Variants in IGF2BP3 observed in about 807,000 individuals in gnomAD.
IGF2BP3 encodes insulin like growth factor 2 mRNA binding protein 3, also known as insulin-like growth factor 2 mRNA-binding protein 3.
In IGF2BP3, 9 loss-of-function variants were observed where a neutral mutation model predicts 73.8. That is an observed-to-expected ratio of 0.12 (90% confidence interval 0.07 to 0.21). The LOEUF (loss-of-function observed/expected upper bound fraction) is 0.21. Ranked by LOEUF, IGF2BP3 falls within the 10% of genes least tolerant of loss-of-function variation. The probability of loss-of-function intolerance (pLI) is 1.00; values close to 1 mark genes in which losing one functional copy is unlikely to be tolerated. For missense variants in IGF2BP3, 542 were observed against 714.0 expected (o/e 0.76, Z 2.75); for synonymous variants, 258 against 256.7 (o/e 1.01, Z -0.05).
At chr7:23,448,017 T>C (rs1017411795) in intron 2 of IGF2BP3, among the ~76,000 whole-genome samples, 2 of 152,042 alleles carry the variant, frequency 1.3e-5, no homozygotes, top group Non-Finnish European at 2.9e-5. Context: ...TATCCAGTGA[T>C]AAAAGTCAGC....
intron 12 of IGF2BP3, among the ~76,000 whole-genome samples, chr7:23,316,728 G>C (rs1426469494): frequency 7.0e-6 from 1 of 143,524 alleles, no homozygotes; most frequent in Non-Finnish European, 1.5e-5. Context: ...AGGTTAAATA[G>C]TTGTCTTCTT....
chr7:23,313,770 T>C, intron 12 of IGF2BP3, 117 bp from the exon 13 acceptor site: 1 of 901,024 alleles, frequency 1.1e-6, no homozygotes, highest in East Asian at 2.6e-5. Context: ...TACATCTACA[T>C]TTCATAGATT....
intron 10 of IGF2BP3, among the ~76,000 whole-genome samples, chr7:23,341,748 C>T (rs1236482537): frequency 6.7e-6 from 1 of 149,438 alleles, no homozygotes; most frequent in Non-Finnish European, 1.5e-5. Flanking sequence ...TATCCGAGAA[C>T]TTAGAATAAA....
intron 5 of IGF2BP3, among the ~76,000 whole-genome samples, chr7:23,351,788 T>C (rs918290780): frequency 2.0e-5 from 3 of 152,118 alleles, no homozygotes; most frequent in African/African-American, 7.2e-5. Context: ...ACATTTTCCT[T>C]TGAGACAGGC....
intron 10 of IGF2BP3, among the ~76,000 whole-genome samples, chr7:23,340,847 TTC>T (rs1257663927): frequency 2.7e-5 from 4 of 150,502 alleles, no homozygotes; most frequent in African/African-American, 9.9e-5. Flanking sequence ...CTTTTTCTTT[TTC>T]TTTTTTTTTT....
At chr7:23,372,831 A>C (rs750953151) in intron 3 of IGF2BP3, among the ~76,000 whole-genome samples, 1 of 152,156 alleles carries the variant, frequency 6.6e-6, no homozygotes, top group Non-Finnish European at 1.5e-5. Flanking sequence ...TGCTTTATCT[A>C]CTTTAACTCA....
intron 7 of IGF2BP3, 119 bp from the exon 8 acceptor site, chr7:23,346,181 G>C: frequency 8.7e-7 from 1 of 1,155,048 alleles, no homozygotes. Context: ...ACTGTGTTAG[G>C]TACAGCTTAA....
At chr7:23,447,179 C>T (rs542557975) in intron 2 of IGF2BP3, among the ~76,000 whole-genome samples, 19 of 151,758 alleles carry the variant, frequency 1.3e-4, no homozygotes, top group Non-Finnish European at 2.1e-4. Flanking sequence ...CCAGCCTGGT[C>T]GACAGAGTAA....
At chr7:23,342,787 G>A (rs544033293) in intron 9 of IGF2BP3, among the ~76,000 whole-genome samples, 6 of 152,324 alleles carry the variant, frequency 3.9e-5, no homozygotes, top group African/African-American at 1.4e-4. Context: ...GACGGTGGAA[G>A]GGAGATTTGA....
At chr7:23,335,306 A>T (rs1195379323) in intron 10 of IGF2BP3, among the ~76,000 whole-genome samples, 1 of 150,448 alleles carries the variant, frequency 6.6e-6, no homozygotes, top group Non-Finnish European at 1.5e-5. Context: ...TTTTTTGGAC[A>T]AGGTCTCACT....
rs758658336 is a variant in IGF2BP3, at chr7:23,361,680, A to C, written c.337+10T>G. 7.4e-6 allele frequency: 12 copies of C among 1,613,956 alleles called. No homozygotes were observed. The South Asian group carries it at 1.2e-4, about 16-fold the overall frequency. ...TTTACAAATTTGAAAGCAATTCAGA[A>C]GACATGTACCTTGCTCACAGCTCTC... is the stretch of plus-strand genomic sequence containing the variant. On this transcript the variant is annotated intron_variant, in intron 4 of 14. Transcript: ENST00000258729.
At chr7:23,445,563 T>C (rs1308367570) in intron 2 of IGF2BP3, among the ~76,000 whole-genome samples, 1 of 152,084 alleles carries the variant, frequency 6.6e-6, no homozygotes, top group East Asian at 1.9e-4. Flanking sequence ...ACACAGAAAA[T>C]AGCTTAAGAT....
At chr7:23,407,190 A>G (rs1409266987) in intron 3 of IGF2BP3, among the ~76,000 whole-genome samples, 3 of 151,306 alleles carry the variant, frequency 2.0e-5, no homozygotes, top group Non-Finnish European at 2.9e-5. Context: ...TTAAAAAAAA[A>G]AAAAAAGAAA....
chr7:23,332,904 C>A (rs1784478480), intron 10 of IGF2BP3, among the ~76,000 whole-genome samples: 1 of 152,150 alleles, frequency 6.6e-6, no homozygotes, highest in African/African-American at 2.4e-5. Context: ...TTTTATCTCA[C>A]TAAGAATGTC....
intron 3 of IGF2BP3, among the ~76,000 whole-genome samples, chr7:23,381,217 G>A (rs1049632382): frequency 2.0e-5 from 3 of 152,144 alleles, no homozygotes; most frequent in Non-Finnish European, 2.9e-5. Flanking sequence ...ATTCCACTTA[G>A]TCATCTGAAC....
intron 10 of IGF2BP3, among the ~76,000 whole-genome samples, chr7:23,338,821 A>T (rs1784638758): frequency 6.6e-6 from 1 of 152,260 alleles, no homozygotes; most frequent in Admixed American, 6.5e-5. Context: ...CAGATTGTCA[A>T]TCAATGTAAA....
At chr7:23,347,202 C>T (rs1030072161) in intron 7 of IGF2BP3, among the ~76,000 whole-genome samples, 1 of 152,096 alleles carries the variant, frequency 6.6e-6, no homozygotes, top group African/African-American at 2.4e-5. Context: ...TTAGGCACTT[C>T]CCCACCTCCA....
At position 23,345,818 on chromosome 7, in the gene IGF2BP3, T is replaced by A. The variant is rs552516383; in HGVS notation, c.941+122A>T. The A allele has an allele frequency of 5.7e-4, 642 of 1,128,648 alleles. 1 individual carries two copies. The African/African-American group carries it at 8.8e-3, about 15-fold the overall frequency. The allele number at this position is 1,128,648 out of a possible 1,614,324, so 69.9% of individuals were successfully genotyped here. A position where few individuals can be genotyped will look rare whatever the true frequency, so the allele number is the denominator to read the frequency against. On this transcript the variant is annotated intron_variant, in intron 8 of 14. Transcript: ENST00000258729. ...GCAGCAAGCTGTATTTGAGAAACCA[T>A]GTGTAAGTACGGCAGCACAGGCTAG...
intron 7 of IGF2BP3, among the ~76,000 whole-genome samples, chr7:23,346,831 T>C (rs1002777069): frequency 6.6e-6 from 1 of 152,118 alleles, no homozygotes; most frequent in African/African-American, 2.4e-5. Flanking sequence ...GACCTCATGA[T>C]CCACCCGCCT....
Sources: allele counts gnomAD v4.1 joint callset (sites outside exome capture counted in the v4.1 genomes callset), GRCh38; gene constraint gnomAD v4.1.1; transcripts MANE v1.5; gene names NCBI Gene and HGNC (gene_info 2026-07-23, HGNC 2026-07-21).